The following RNF212 variants were observed in gnomAD, a reference collection of about 807,000 sequenced individuals.
RNF212 encodes ring finger protein 212.
A neutral mutation model predicts 34.7 loss-of-function variants in RNF212; 33 were observed. The observed-to-expected ratio is 0.95, with a 90% CI of 0.72 to 1.27. The LOEUF (loss-of-function observed/expected upper bound fraction) is 1.27. Ranked by LOEUF, RNF212 falls within the 50% of genes most tolerant of loss-of-function variation. RNF212 has a pLI of 0.00. For synonymous variants in RNF212, 140 were observed against 136.1 expected, an observed-to-expected ratio of 1.03 and a Z score of -0.20; for missense variants, 377 against 362.2, an observed-to-expected ratio of 1.04 and a Z score of -0.33.
chr4:1,063,039 T>C (rs6599276), intron 3 of RNF212, among the ~76,000 whole-genome samples: 123,491 of 152,270 alleles, frequency 0.81, 50,795 homozygotes, highest in African/African-American at 0.94. Context: ...CAAAATACCG[T>C]TGAAAGAAAT....
At chr4:1,067,867 C>CA (rs1183457508), downstream of RNF212, among the ~76,000 whole-genome samples, 5,720 of 60,154 alleles carry the variant, frequency 0.095, 395 homozygotes, top group African/African-American at 0.26. Context: ...GACTCTGTCT[C>CA]AAAAAAAAAA....
At position 1,081,588 on chromosome 4, in the gene RNF212, T is replaced by C. The variant is rs564935742; in HGVS notation, c.394A>G (p.Thr132Ala). Residue 132 changes from threonine (T) to alanine (A), a missense_variant, in exon 6 of 10, where the codon ACA (threonine) becomes GCA (alanine). Thr to Ala is a moderately conservative substitution (Grantham distance 58). Transcript: ENST00000433731. ...MRSSQQTAFS[T>A]IKSSVSTKPH... ...TTACTTGAAACTGAACTTTTTATTG[T>C]GCTGAAAGCTGTTTGTTGTGATGAT... 6.2e-7 allele frequency: 1 copy of C among 1,611,414 alleles called. No individual in the cohort carries two copies. Among genetic ancestry groups the C allele is most frequent in the South Asian group, 1.1e-5 (1 of 91,034 alleles).
chr4:1,103,639 T>C (rs1209695081), intron 2 of RNF212, among the ~76,000 whole-genome samples: 3 of 152,168 alleles, frequency 2.0e-5, no homozygotes, highest in African/African-American at 7.2e-5. Flanking sequence ...TAAATGAGAA[T>C]AATTAAATGA....
chr4:1,079,515 A>G (rs1002719015), intron 8 of RNF212, 128 bp downstream of exon 8: 8 of 742,444 alleles, frequency 1.1e-5, no homozygotes, highest in Non-Finnish European at 2.0e-5. Context: ...GGACCAGCAC[A>G]CGAAGCAGCA....
At position 1,090,836 on chromosome 4, in the gene RNF212, A is replaced by C; in HGVS notation, c.249T>G (p.Ile83Met). 6.3e-7 allele frequency: 1 copy of C among 1,585,702 alleles called. No individual in the cohort carries two copies. Among genetic ancestry groups the C allele is most frequent in the Non-Finnish European group, 8.7e-7 (1 of 1,155,136 alleles). The change falls in exon 4 of 10, where the codon ATT becomes ATG. Residue 83 changes from isoleucine (I) to methionine (M), a missense_variant and splice_region_variant. Ile to Met is a conservative substitution (Grantham distance 10, BLOSUM62 1). Transcript: ENST00000433731. ...TCCTGTGTTTTTCTTGAAATTCTAA[A>C]ATCTGAAAAGATCATAGGTTTCAGC... ...CKKYSRETSQ[I>M]LEFQEKHRKR...
At chr4:1,092,418 G>A (rs2153053001) in intron 3 of RNF212, among the ~76,000 whole-genome samples, 1 of 152,262 alleles carries the variant, frequency 6.6e-6, no homozygotes, top group South Asian at 2.1e-4. Context: ...AGACCCACTT[G>A]TCTGGGTGTT....
chr4:1,088,973 G>C (rs912005298), intron 4 of RNF212, among the ~76,000 whole-genome samples: 1 of 152,254 alleles, frequency 6.6e-6, no homozygotes, highest in Non-Finnish European at 1.5e-5. Context: ...TGCAGAGGCA[G>C]AGCCCTCATG....
At chr4:1,063,694 CAAAAAAA>C (rs61295899) in intron 3 of RNF212, among the ~76,000 whole-genome samples, 2 of 131,528 alleles carry the variant, frequency 1.5e-5, no homozygotes, top group Admixed American at 8.0e-5. Flanking sequence ...GACTCAGTCT[CAAAAAAA>C]AAAAAAAAAA....
At chr4:1,110,141 G>A (rs1277979405) in intron 1 of RNF212, among the ~76,000 whole-genome samples, 1 of 152,222 alleles carries the variant, frequency 6.6e-6, no homozygotes, top group Non-Finnish European at 1.5e-5. Flanking sequence ...AGACATGACA[G>A]AGAGGAAATC....
At chr4:1,104,841 C>T (rs566893013) in intron 2 of RNF212, among the ~76,000 whole-genome samples, 91 of 152,236 alleles carry the variant, frequency 6.0e-4, no homozygotes, top group African/African-American at 2.2e-3. Flanking sequence ...CATCTAATGG[C>T]GGCACGGGGC....
rs141626885 is a variant in RNF212, at chr4:1,089,021, C to T, written c.303+1761G>A. 9.9e-4 allele frequency among the ~76,000 whole-genome samples: 151 copies of T among 152,352 alleles called. 1 individual carries two copies. Among genetic ancestry groups the T allele is most frequent in the Non-Finnish European group, 1.4e-3 (95 of 68,034 alleles). On this transcript the variant is annotated intron_variant, in intron 4 of 9. Coordinates refer to ENST00000433731, the MANE Select transcript of RNF212 (RefSeq NM_001131034.4). ...TAGGGCAGTGCAGAAGGGAAATGTG[C>T]GGTGGTTGTTCCCACACAGTGTCCC...
At chr4:1,084,594 G>T in intron 5 of RNF212, among the ~76,000 whole-genome samples, 1 of 151,940 alleles carries the variant, frequency 6.6e-6, no homozygotes, top group Admixed American at 6.6e-5. Flanking sequence ...GCTGTGTGTG[G>T]TGGTGCGTGC....
At chr4:1,096,665 C>T in intron 3 of RNF212, 100 bp downstream of exon 3, 1 of 755,434 alleles carries the variant, frequency 1.3e-6, no homozygotes, top group Non-Finnish European at 2.3e-6. Context: ...GATAGTGCAC[C>T]TGGCTCATCA....
At chr4:1,113,322 T>C (rs1577866736) in intron 1 of RNF212, 34 bp downstream of exon 1, 1 of 797,710 alleles carries the variant, frequency 1.3e-6, no homozygotes, top group Non-Finnish European at 1.6e-6. Context: ...GCCGCTCCCC[T>C]CCCCTCTCCA....
At chr4:1,088,678 GA>G (rs541101979) in intron 4 of RNF212, among the ~76,000 whole-genome samples, 1 of 152,118 alleles carries the variant, frequency 6.6e-6, no homozygotes, top group East Asian at 1.9e-4. Context: ...TAGGCCCAGA[GA>G]AAAAAAGTAG....
intron 3 of RNF212, among the ~76,000 whole-genome samples, chr4:1,060,840 C>T (rs1393861160): frequency 2.0e-5 from 3 of 152,230 alleles, no homozygotes; most frequent in Non-Finnish European, 2.9e-5. Flanking sequence ...GGGCAGACAA[C>T]GCACAGATGG....
At chr4:1,075,836 A>T (rs1261380179) in intron 8 of RNF212, among the ~76,000 whole-genome samples, 3 of 152,008 alleles carry the variant, frequency 2.0e-5, no homozygotes, top group Non-Finnish European at 4.4e-5. Flanking sequence ...ATGCCCAGCT[A>T]ATTTTTTGTA....
intron 8 of RNF212, among the ~76,000 whole-genome samples, chr4:1,078,738 G>T (rs576893634): frequency 6.6e-6 from 1 of 152,130 alleles, no homozygotes; most frequent in African/African-American, 2.4e-5. Flanking sequence ...ACCAGCAGAG[G>T]ATCAACGCAG....
intron 5 of RNF212, 94 bp from the exon 6 acceptor site, chr4:1,081,713 G>A: frequency 1.1e-6 from 1 of 879,810 alleles, no homozygotes; most frequent in African/African-American, 1.7e-5. Flanking sequence ...CTCTGAATCA[G>A]TGAAATGTTC....
Sources: allele counts gnomAD v4.1 joint callset (sites outside exome capture counted in the v4.1 genomes callset), GRCh38; gene constraint gnomAD v4.1.1; transcripts MANE v1.5; gene names NCBI Gene and HGNC (gene_info 2026-07-23, HGNC 2026-07-21).